Variants in C12orf42 observed in about 807,000 individuals in gnomAD.
C12orf42 encodes uncharacterized protein C12orf42.
A neutral mutation model predicts 21.6 loss-of-function variants in C12orf42; 25 were observed. The observed-to-expected ratio is 1.16, with a 90% confidence interval of 0.84 to 1.62. The LOEUF is 1.62. C12orf42 is among the 40% of genes most tolerant of loss of function. C12orf42 has a pLI of 0.00. For missense variants in C12orf42, 483 were observed against 459.3 expected, an observed-to-expected ratio of 1.05 and a Z score of -0.47; for synonymous variants, 174 against 175.0, an observed-to-expected ratio of 0.99 and a Z score of 0.05.
At chr12:103,334,005 C>T in intron 4 of C12orf42, among the ~76,000 whole-genome samples, 1 of 152,320 alleles carries the variant, frequency 6.6e-6, no homozygotes, top group East Asian at 1.9e-4. Context: ...ATTTAAGTCA[C>T]TGAGTGTGAA....
At chr12:103,280,951 G>A (rs1037389743) in intron 4 of C12orf42, among the ~76,000 whole-genome samples, 3 of 152,182 alleles carry the variant, frequency 2.0e-5, no homozygotes, top group Non-Finnish European at 4.4e-5. Context: ...TCTTCTACAT[G>A]GAAAGGCCAC....
At chr12:103,294,833 G>T (rs2037143503) in intron 4 of C12orf42, among the ~76,000 whole-genome samples, 2 of 152,136 alleles carry the variant, frequency 1.3e-5, no homozygotes, top group South Asian at 4.1e-4. Flanking sequence ...ATGGAGGTTT[G>T]TTGTACAGAT....
chr12:103,353,095 T>G (rs893089759), intron 4 of C12orf42, among the ~76,000 whole-genome samples: 4 of 152,252 alleles, frequency 2.6e-5, no homozygotes, highest in East Asian at 1.9e-4. Context: ...TGTGGTACTT[T>G]TCACTCATAG....
the C12orf42 span, among the ~76,000 whole-genome samples, chr12:103,062,000 G>A: frequency 6.6e-6 from 1 of 151,216 alleles, no homozygotes; most frequent in Non-Finnish European, 1.5e-5. Flanking sequence ...ATTTAGCATT[G>A]TTTCAGTTGA....
intron 10 of C12orf42, among the ~76,000 whole-genome samples, chr12:103,258,059 A>G (rs2034701020): frequency 6.6e-6 from 1 of 152,172 alleles, no homozygotes; most frequent in African/African-American, 2.4e-5. Flanking sequence ...AGCATCAGTA[A>G]GCTGTTTAAA....
chr12:103,081,119 A>C, the C12orf42 span: 3 of 152,174 alleles, frequency 2.0e-5, no homozygotes, highest in African/African-American at 7.2e-5. Flanking sequence ...TGGACTTCCC[A>C]CTTGGTAAAT....
chr12:103,249,832 C>A (rs976823829), intron 10 of C12orf42, among the ~76,000 whole-genome samples: 1 of 152,036 alleles, frequency 6.6e-6, no homozygotes, highest in Non-Finnish European at 1.5e-5. Flanking sequence ...GGTAAGTGAG[C>A]AAACCAGTCA....
chr12:103,222,551 A>G, the C12orf42 span, among the ~76,000 whole-genome samples: 4 of 152,132 alleles, frequency 2.6e-5, no homozygotes, highest in Admixed American at 6.5e-5. Context: ...GCTTGGCTTG[A>G]GCTCAGAGGC....
At chr12:103,269,357 G>A (rs541775392) in intron 6 of C12orf42, among the ~76,000 whole-genome samples, 114 of 152,218 alleles carry the variant, frequency 7.5e-4, no homozygotes, top group African/African-American at 2.6e-3. Context: ...GGCTCAACTC[G>A]GAGGAAGCAC....
rs35178227 is a variant in C12orf42 at position 103,318,696 on chromosome 12, GC to G, written c.260-12352del. Among the ~76,000 whole-genome samples the G allele has an allele frequency of 4.6e-5, 7 of 152,080 alleles. No individual in the cohort carries two copies. The South Asian group carries it at 1.5e-3, about 32-fold the overall frequency. On this transcript the variant is annotated intron_variant, in intron 4 of 5. Coordinates refer to ENST00000548883, the MANE Select transcript of C12orf42 (RefSeq NM_198521.5). ...AGTTTCAGTCCCTTTCCTTTCTCCT[GC>G]CCCGTGTATTCTAACCAGCTGGTGA...
the C12orf42 span, among the ~76,000 whole-genome samples, chr12:103,133,244 A>T: frequency 6.6e-6 from 1 of 152,098 alleles, no homozygotes; most frequent in Non-Finnish European, 1.5e-5. Flanking sequence ...AACCACTTCT[A>T]ACACCAACAT....
At chr12:103,543,100 T>C in the C12orf42 span, among the ~76,000 whole-genome samples, 1 of 152,166 alleles carries the variant, frequency 6.6e-6, no homozygotes, top group Non-Finnish European at 1.5e-5. Flanking sequence ...GTGGTTGAGA[T>C]GACAAAGAAC....
chr12:103,179,103 G>A, the C12orf42 span, among the ~76,000 whole-genome samples: 8 of 152,008 alleles, frequency 5.3e-5, no homozygotes, highest in African/African-American at 1.9e-4. Context: ...TGCTTTTTGG[G>A]GCCTATTTTA....
At chr12:103,163,966 A>G in the C12orf42 span, among the ~76,000 whole-genome samples, 2 of 152,202 alleles carry the variant, frequency 1.3e-5, no homozygotes, top group Non-Finnish European at 2.9e-5. Context: ...TAAGTCACAG[A>G]GTTGGGGGGT....
chr12:103,188,316 G>T, the C12orf42 span, among the ~76,000 whole-genome samples: 1 of 151,068 alleles, frequency 6.6e-6, no homozygotes, highest in African/African-American at 2.4e-5. Flanking sequence ...AAGTTTATTG[G>T]GGTACAGGTG....
the C12orf42 span, among the ~76,000 whole-genome samples, chr12:103,208,703 A>G: frequency 6.6e-6 from 1 of 152,160 alleles, no homozygotes; most frequent in Admixed American, 6.5e-5. Flanking sequence ...TGTAAAAGAA[A>G]ATGTGTTATT....
intron 4 of C12orf42, among the ~76,000 whole-genome samples, chr12:103,281,117 A>G (rs1239569490): frequency 6.6e-6 from 1 of 152,248 alleles, no homozygotes; most frequent in African/African-American, 2.4e-5. Context: ...GTAATCAGTT[A>G]CTAAGATGAT....
chr12:103,339,564 A>G (rs1392040707), intron 4 of C12orf42, among the ~76,000 whole-genome samples: 1 of 152,270 alleles, frequency 6.6e-6, no homozygotes, highest in Non-Finnish European at 1.5e-5. Flanking sequence ...AATAAGATAT[A>G]CATATGGCCA....
chr12:103,447,690 C>T (rs1296049729), intron 2 of C12orf42, among the ~76,000 whole-genome samples: 1 of 151,818 alleles, frequency 6.6e-6, no homozygotes, highest in Non-Finnish European at 1.5e-5. Flanking sequence ...ACCCCTTTTA[C>T]AACAGCTGCA....
Sources: gnomAD v4.1 joint callset for allele counts (sites outside exome capture counted in the v4.1 genomes callset) on GRCh38, gnomAD v4.1.1 for gene constraint, MANE v1.5 for transcripts, NCBI Gene and HGNC (gene_info 2026-07-23, HGNC 2026-07-21) for gene names.